POLR3E: variants seen among roughly 807,000 people sequenced by gnomAD.
POLR3E encodes the protein RNA polymerase III subunit E.
POLR3E carries 41 observed loss-of-function variants against 96.6 expected under a neutral mutation model. That is an observed-to-expected ratio of 0.42 (90% confidence interval 0.33 to 0.55). The LOEUF (loss-of-function observed/expected upper bound fraction) is 0.55, where lower values mean the gene tolerates loss of function less well. Among genes scored for constraint, POLR3E ranks in the 20% least tolerant of loss-of-function variants. The pLI, the probability that POLR3E is intolerant of heterozygous loss-of-function variation, is 0.06. For synonymous variants in POLR3E, 396 were observed against 383.6 expected, an observed-to-expected ratio of 1.03 and a Z score of -0.38; for missense variants, 849 against 952.1, an observed-to-expected ratio of 0.89 and a Z score of 1.43.
rs187086076 is a variant in POLR3E, at chr16:22,297,999, C to T, written c.-39+462C>T. Among the ~76,000 whole-genome samples the T allele has an allele frequency of 3.2e-4, 49 of 152,336 alleles. 1 individual carries two copies. In the East Asian group the frequency reaches 8.7e-3, roughly 27 times the overall value. On this transcript the variant is annotated intron_variant, in intron 1 of 20. Coordinates refer to ENST00000299853, the MANE Select transcript of POLR3E (RefSeq NM_018119.4). ...GGGCAGGGAGGGCACCTGCGCCTGC[C>T]GGAGCCCCCACTTCGCAGCTGAACC...
chr16:22,315,017 G>T, intron 8 of POLR3E, 72 bp from the exon 9 acceptor site: 1 of 1,543,888 alleles, frequency 6.5e-7, no homozygotes, highest in Non-Finnish European at 8.8e-7. Context: ...TGGTCTTCTG[G>T]CAGGGGCTGA....
chr16:22,301,123 C>T (rs751919850), intron 1 of POLR3E, among the ~76,000 whole-genome samples: 12 of 134,846 alleles, frequency 8.9e-5, no homozygotes, highest in Admixed American at 6.0e-4. Flanking sequence ...GAGCAAAAAC[C>T]GGAAAGAGGT....
chr16:22,315,568 T>G (rs1567318484), intron 9 of POLR3E, among the ~76,000 whole-genome samples: 1 of 152,244 alleles, frequency 6.6e-6, no homozygotes, highest in East Asian at 1.9e-4. Context: ...GTCGGTCATG[T>G]GTTGCCACCC....
chr16:22,325,364 G>A, intron 17 of POLR3E, 98 bp downstream of exon 17: 2 of 977,480 alleles, frequency 2.0e-6, no homozygotes, highest in Non-Finnish European at 3.3e-6. Context: ...CCTGGAGAGG[G>A]TGGAGGGCTC....
At chr16:22,331,223 C>G (rs2048733808) in intron 19 of POLR3E, among the ~76,000 whole-genome samples, 1 of 152,038 alleles carries the variant, frequency 6.6e-6, no homozygotes, top group South Asian at 2.1e-4. Context: ...AGGTAATCCG[C>G]CTGCCTCGGT....
chr16:22,325,425 G>T, intron 17 of POLR3E, 159 bp downstream of exon 17: 1 of 692,896 alleles, frequency 1.4e-6, no homozygotes, highest in African/African-American at 1.8e-5. Context: ...ACAGACCGCA[G>T]CTGGTCGCTT....
At chr16:22,325,649 G>T in intron 17 of POLR3E, 112 bp from the exon 18 acceptor site, 2 of 1,288,416 alleles carry the variant, frequency 1.6e-6, no homozygotes, top group Non-Finnish European at 2.1e-6. Flanking sequence ...TTCGAGAAAG[G>T]TTGGGGATGA....
intron 13 of POLR3E, among the ~76,000 whole-genome samples, chr16:22,320,820 G>A (rs1402966685): frequency 6.6e-6 from 1 of 152,124 alleles, no homozygotes; most frequent in African/African-American, 2.4e-5. Flanking sequence ...CTAGATTGGT[G>A]GTTATTTTCC....
chr16:22,308,271 T>C, intron 4 of POLR3E, 46 bp downstream of exon 4: 1 of 1,465,270 alleles, frequency 6.8e-7, no homozygotes, highest in Non-Finnish European at 9.6e-7. Context: ...GAGAGGGTGA[T>C]GAGGGTGGGA....
At chr16:22,304,294 T>A (rs1209244474) in intron 2 of POLR3E, among the ~76,000 whole-genome samples, 1 of 152,052 alleles carries the variant, frequency 6.6e-6, no homozygotes, top group Non-Finnish European at 1.5e-5. Context: ...TCCTCGGAGA[T>A]GAATAGAGGT....
At chr16:22,332,748 A>G (rs566917515) in intron 20 of POLR3E, among the ~76,000 whole-genome samples, 1 of 152,204 alleles carries the variant, frequency 6.6e-6, no homozygotes, top group Admixed American at 6.5e-5. Context: ...TTAAAAAGGA[A>G]TATGATCTGT....
intron 13 of POLR3E, among the ~76,000 whole-genome samples, chr16:22,320,422 C>T (rs1012480414): frequency 5.3e-5 from 8 of 152,058 alleles, no homozygotes; most frequent in Admixed American, 2.6e-4. Context: ...CCACCACGCC[C>T]GGCTAATTTT....
intron 18 of POLR3E, chr16:22,326,511 C>T (rs1208944519): frequency 3.4e-6 from 2 of 585,510 alleles, no homozygotes; most frequent in Non-Finnish European, 6.1e-6. Flanking sequence ...TGTCTGAAGG[C>T]CCGGCCTATT....
intron 4 of POLR3E, 60 bp downstream of exon 4, chr16:22,308,285 G>T: frequency 7.6e-7 from 1 of 1,323,470 alleles, no homozygotes. Flanking sequence ...GGTGGGAGCT[G>T]GTGGAGGCGA....
In POLR3E at chr16:22,325,879, T is replaced by C; in HGVS notation, c.1467T>C (p.Pro489=). The change falls in exon 18 of 21, where the codon CCT becomes CCC. Residue 489 remains proline (P), a synonymous_variant. Coordinates refer to ENST00000299853, the MANE Select transcript of POLR3E (RefSeq NM_018119.4). The part of the protein sequence containing the change: ...LQRRKEQLRV[P]AVPPGVRIKE... ...GGCGGAAGGAGCAGCTGCGGGTGCC[T>C]GCGGTCCCGCCCGGTGTGCGGATCA... 1 of 1,610,496 alleles carries C rather than the reference T, an allele frequency of 6.2e-7. No homozygotes were observed. Among genetic ancestry groups the C allele is most frequent in the Non-Finnish European group, 8.5e-7 (1 of 1,178,608 alleles).
At position 22,318,795 on chromosome 16, in the gene POLR3E, C is replaced by G; in HGVS notation, c.866-31C>G. ...GGGAGGGAAGGGCCCGGCCCCTCTT[C>G]CTTGTCTGATGTCTCCTGCGTCCTC... On this transcript the variant is annotated intron_variant, in intron 12 of 20. Transcript: ENST00000299853. The surrounding 1 kb of genome is among the most constrained non-coding windows in gnomAD (Gnocchi z 5.0). 1 of 1,601,290 alleles carries G rather than the reference C, an allele frequency of 6.2e-7. No individual in the cohort carries two copies. Among genetic ancestry groups the G allele is most frequent in the Non-Finnish European group, 8.5e-7 (1 of 1,172,160 alleles).
intron 4 of POLR3E, 43 bp from the exon 5 acceptor site, chr16:22,308,882 C>A (rs1339270861): frequency 2.2e-6 from 3 of 1,341,648 alleles, no homozygotes; most frequent in Non-Finnish European, 3.2e-6. Flanking sequence ...AGGAGCCATG[C>A]CTTGGGGTCC....
At chr16:22,324,277 C>CTG in intron 14 of POLR3E, 77 bp from the exon 15 acceptor site, 2 of 1,212,530 alleles carry the variant, frequency 1.6e-6, no homozygotes, top group East Asian at 2.3e-5. Flanking sequence ...GCTCCCAGGC[C>CTG]TGCCAGGTGA....
rs1408190254 is a variant in POLR3E, at chr16:22,329,860, C to T, written c.1944+1273C>T. On this transcript the variant is annotated intron_variant, in intron 19 of 20. Transcript: ENST00000299853. ...GCCAGGCTAGTCTTGAACTCCTGGC[C>T]TCAAGCAGTTCTCCTGCCTCAGCCT... 2.8e-4 allele frequency among the ~76,000 whole-genome samples: 43 copies of T among 151,860 alleles called. 1 individual carries two copies. Among genetic ancestry groups the T allele is most frequent in the Admixed American group, 2.8e-3 (43 of 15,248 alleles).
Sources: gnomAD v4.1 joint callset for allele counts (sites outside exome capture counted in the v4.1 genomes callset) on GRCh38, gnomAD v4.1.1 for gene constraint, Gnocchi (gnomAD v3.1) non-coding constraint, MANE v1.5 for transcripts, NCBI Gene and HGNC (gene_info 2026-07-23, HGNC 2026-07-21) for gene names.